The following ZFAND4 variants were observed in gnomAD, a reference collection of about 807,000 sequenced individuals.
The protein encoded by ZFAND4 is AN1-type zinc finger protein 4.
A neutral mutation model predicts 64.4 loss-of-function variants in ZFAND4; 43 were observed. That is an observed-to-expected ratio of 0.67 (90% CI 0.52 to 0.86). ZFAND4 has a LOEUF of 0.86. Ranked by LOEUF, ZFAND4 falls within the 40% of genes least tolerant of loss-of-function variation. The pLI, the probability that ZFAND4 is intolerant of heterozygous loss-of-function variation, is 0.00. For synonymous variants in ZFAND4, 296 were observed against 305.7 expected (o/e 0.97, Z 0.33); for missense variants, 929 against 859.8 (o/e 1.08, Z -1.01).
At chr10:45,663,099 C>T (rs1021970858) in intron 2 of ZFAND4, among the ~76,000 whole-genome samples, 9 of 148,114 alleles carry the variant, frequency 6.1e-5, no homozygotes, top group African/African-American at 1.8e-4. Flanking sequence ...AGACTCTTTT[C>T]GGAAAACCTC....
chr10:45,622,725 C>T (rs2133537770), intron 8 of ZFAND4, among the ~76,000 whole-genome samples: 1 of 152,322 alleles, frequency 6.6e-6, no homozygotes, highest in African/African-American at 2.4e-5. Context: ...TCTAAACTTT[C>T]CCCGTTCAGA....
chr10:45,631,717 T>C (rs1201676510), intron 6 of ZFAND4, among the ~76,000 whole-genome samples: 1 of 152,174 alleles, frequency 6.6e-6, no homozygotes, highest in Non-Finnish European at 1.5e-5. Flanking sequence ...GGCTAATGTT[T>C]CTAGCATTAA....
chr10:45,640,437 A>AT, intron 5 of ZFAND4: 1 of 1,245,226 alleles, frequency 8.0e-7, no homozygotes, highest in Non-Finnish European at 1.0e-6. Flanking sequence ...AAAAAAAAAA[A>AT]AAAAAGAATT....
At position 45,672,439 on chromosome 10, in the gene ZFAND4, G is replaced by A. The variant is rs949756550; in HGVS notation, c.-307C>T. On this transcript the variant is annotated 5_prime_UTR_variant, in exon 1 of 10. Transcript: ENST00000344646. ...CACGCCCAAAGGAACAAACGCCAGA[G>A]CGTGTGTCCTGGGCAAAGGCGGCCC... 6.6e-6 allele frequency: 1 copy of A among 152,148 alleles called. No individual in the cohort carries two copies. Among genetic ancestry groups the A allele is most frequent in the Non-Finnish European group, 1.5e-5 (1 of 67,954 alleles). 9.4% of individuals were successfully genotyped at this position (152,148 alleles called of 1,614,324 possible). A position where few individuals can be genotyped will look rare whatever the true frequency, so the allele number is the denominator to read the frequency against.
At chr10:45,667,877 CA>C (rs1180942433) in intron 1 of ZFAND4, among the ~76,000 whole-genome samples, 3 of 152,160 alleles carry the variant, frequency 2.0e-5, no homozygotes, top group African/African-American at 7.2e-5. Flanking sequence ...AGAAGGAAAC[CA>C]TTGAGTCTTT....
At chr10:45,642,258 C>T (rs1170481595) in intron 5 of ZFAND4, among the ~76,000 whole-genome samples, 1 of 152,048 alleles carries the variant, frequency 6.6e-6, no homozygotes, top group Non-Finnish European at 1.5e-5. Flanking sequence ...GACCTATTCT[C>T]TCATGGAATA....
intron 1 of ZFAND4, among the ~76,000 whole-genome samples, chr10:45,671,472 C>A (rs2049183780): frequency 6.6e-6 from 1 of 151,852 alleles, no homozygotes; most frequent in Non-Finnish European, 1.5e-5. Context: ...ATATGTGGCA[C>A]ATATACACCA....
intron 5 of ZFAND4, 22 bp from the exon 6 acceptor site, chr10:45,639,985 C>T (rs773793368): frequency 6.3e-7 from 1 of 1,589,584 alleles, no homozygotes; most frequent in South Asian, 1.1e-5. Context: ...ACAATAACTA[C>T]TTGAAATTTT....
intron 2 of ZFAND4, 96 bp downstream of exon 2, chr10:45,663,446 T>C: frequency 1.1e-6 from 1 of 929,828 alleles, no homozygotes; most frequent in Non-Finnish European, 1.6e-6. Context: ...TCATATATGT[T>C]TGAAATTGTC....
chr10:45,626,448 G>C lies in ZFAND4; in HGVS notation c.1375C>G (p.Leu459Val), dbSNP rs1281873896. ...TGAGGACTTAATTCCCGGTAGTTAA[G>C]AACTGAAGTCTCTACTGATTCCCCA... ...LNGESVETSV[L>V]NYRELSPHKN... The change falls in exon 7 of 10, where the codon CTT becomes GTT. Residue 459 changes from leucine (L) to valine (V), a missense_variant. Physicochemically the swap from Leu to Val is conservative, Grantham distance 32. Coordinates refer to ENST00000344646, the MANE Select transcript of ZFAND4 (RefSeq NM_174890.4). 1.9e-6 allele frequency: 3 copies of C among 1,613,672 alleles called. No individual in the cohort carries two copies. The highest frequency in any genetic ancestry group is 1.7e-6 in the Non-Finnish European group (2 of 1,180,028).
chr10:45,656,692 C>A (rs951761923), intron 2 of ZFAND4, among the ~76,000 whole-genome samples: 6 of 151,894 alleles, frequency 4.0e-5, no homozygotes, highest in Non-Finnish European at 5.9e-5. Context: ...ATTCCCCCAC[C>A]CAAATTCATA....
In ZFAND4 at chr10:45,626,447, A is replaced by G; in HGVS notation, c.1376T>C (p.Leu459Pro). 1 of 1,613,770 alleles carries G rather than the reference A, an allele frequency of 6.2e-7. No individual in the cohort carries two copies. ...LNGESVETSV[L>P]NYRELSPHKN... ...GTGAGGACTTAATTCCCGGTAGTTA[A>G]GAACTGAAGTCTCTACTGATTCCCC... The change falls in exon 7 of 10, where the codon CTT becomes CCT. Residue 459 changes from leucine to proline, a missense_variant. Physicochemically the swap from Leu to Pro is moderately conservative, Grantham distance 98. Transcript: ENST00000344646.
At chr10:45,667,937 G>A (rs1375229517) in intron 1 of ZFAND4, among the ~76,000 whole-genome samples, 1 of 152,200 alleles carries the variant, frequency 6.6e-6, no homozygotes, top group Non-Finnish European at 1.5e-5. Context: ...ATATAAGGTT[G>A]ACGAGCTTCC....
At chr10:45,627,860 A>C (rs1454120117) in intron 6 of ZFAND4, among the ~76,000 whole-genome samples, 2 of 152,216 alleles carry the variant, frequency 1.3e-5, no homozygotes, top group Non-Finnish European at 2.9e-5. Context: ...CTCCACTGAA[A>C]GAGGACTCTA....
Position 45,665,349 on chromosome 10 carries a change from G to A in ZFAND4, c.-117-1507C>T, listed in dbSNP as rs538074732. ...GAGGTCAGGAGTTCGAGACCAGCCT[G>A]GCCAAAATGGCGAAACCCCATCTCT... is the stretch of plus-strand genomic sequence containing the variant. On this transcript the variant is annotated intron_variant, in intron 1 of 9. Coordinates refer to ENST00000344646, the MANE Select transcript of ZFAND4 (RefSeq NM_174890.4). Among the ~76,000 whole-genome samples, 194 of 152,154 alleles carry A rather than the reference G, an allele frequency of 1.3e-3. 1 individual carries two copies. Among genetic ancestry groups the A allele is most frequent in the African/African-American group, 4.3e-3 (179 of 41,498 alleles).
intron 6 of ZFAND4, among the ~76,000 whole-genome samples, chr10:45,636,815 C>G (rs1249024740): frequency 1.3e-5 from 2 of 152,148 alleles, no homozygotes; most frequent in Non-Finnish European, 2.9e-5. Context: ...AAATCCTTCA[C>G]TGATTTTCTA....
intron 5 of ZFAND4, among the ~76,000 whole-genome samples, chr10:45,642,523 C>T (rs990563794): frequency 3.3e-5 from 5 of 149,620 alleles, no homozygotes; most frequent in African/African-American, 4.9e-5. Context: ...AGGAGAATGG[C>T]GTGAACCCGG....
chr10:45,648,501 T>C lies in ZFAND4; in HGVS notation c.362A>G (p.Glu121Gly). 6.2e-7 allele frequency: 1 copy of C among 1,613,194 alleles called. No homozygotes were observed. The highest frequency in any genetic ancestry group is 1.3e-5 in the African/African-American group (1 of 75,012). The change falls in exon 5 of 10, where the codon GAG becomes GGG. Residue 121 changes from glutamate (E) to glycine (G), a missense_variant. Glu to Gly is a moderately conservative substitution (Grantham distance 98). Coordinates refer to ENST00000344646, the MANE Select transcript of ZFAND4 (RefSeq NM_174890.4). ...CTCAACTCGACTGGAATCCAAGTAC[T>C]CTGCCATCTTCCTAAGTGGATCGTC... ...PTDDPLRKMA[E>G]YLDSSRVEVW...
chr10:45,627,658 T>C (rs1204598392), intron 6 of ZFAND4, among the ~76,000 whole-genome samples: 1 of 152,134 alleles, frequency 6.6e-6, no homozygotes, highest in Non-Finnish European at 1.5e-5. Flanking sequence ...ATTTACGCAA[T>C]AATACAGTTC....
Sources: gnomAD v4.1 joint callset for allele counts (sites outside exome capture counted in the v4.1 genomes callset) on GRCh38, gnomAD v4.1.1 for gene constraint, MANE v1.5 for transcripts, NCBI Gene and HGNC (gene_info 2026-07-23, HGNC 2026-07-21) for gene names.